The following USP40 variants were observed in gnomAD, a reference collection of about 807,000 sequenced individuals.
USP40 encodes ubiquitin carboxyl-terminal hydrolase 40.
A neutral mutation model predicts 166.2 loss-of-function variants in USP40; 143 were observed. The ratio of observed to expected loss-of-function variants is 0.86; its 90% CI spans 0.75 to 0.99. The LOEUF (loss-of-function observed/expected upper bound fraction) is 0.99, where lower values mean the gene tolerates loss of function less well. USP40 is among the 50% of genes least tolerant of loss of function. The probability of loss-of-function intolerance (pLI) is 0.00; values close to 1 mark genes in which losing one functional copy is unlikely to be tolerated. For synonymous variants in USP40, 498 were observed against 524.0 expected (o/e 0.95, Z 0.68); for missense variants, 1,444 against 1,479.7 (o/e 0.98, Z 0.40).
chr2:233,560,013 C>A, intron 3 of USP40, 89 bp from the exon 4 acceptor site: 1 of 780,192 alleles, frequency 1.3e-6, no homozygotes, highest in South Asian at 2.2e-5. Flanking sequence ...TTTTTTATAT[C>A]TCCCAGTTCA....
At chr2:233,490,936 T>C (rs1432067772) in intron 26 of USP40, 20 of 668,464 alleles carry the variant, frequency 3.0e-5, no homozygotes, top group African/African-American at 5.4e-5. Context: ...TGAGGATAGA[T>C]TGAAACAAAA....
chr2:233,553,179 T>C (rs2070741271), intron 6 of USP40, among the ~76,000 whole-genome samples: 2 of 152,242 alleles, frequency 1.3e-5, no homozygotes, highest in Non-Finnish European at 2.9e-5. Context: ...CATTTTTATA[T>C]TAATGTTAAT....
chr2:233,508,118 T>C (rs1276476963), intron 21 of USP40, among the ~76,000 whole-genome samples: 3 of 152,182 alleles, frequency 2.0e-5, no homozygotes, highest in Admixed American at 1.3e-4. Context: ...AAATGCCAGA[T>C]ATATAATTTC....
At chr2:233,491,429 G>C (rs964695134) in intron 25 of USP40, 168 bp from the exon 26 acceptor site, 2 of 622,162 alleles carry the variant, frequency 3.2e-6, no homozygotes, top group Admixed American at 2.8e-5. Flanking sequence ...AGCAGGCAGG[G>C]ACATGTTGTC....
Position 233,509,840 on chromosome 2 carries a change from A to T in USP40, c.2613+209T>A, listed in dbSNP as rs962614241. Among the ~76,000 whole-genome samples, 160 of 88,258 alleles carry T rather than the reference A, an allele frequency of 1.8e-3. 1 individual carries two copies. The highest frequency in any genetic ancestry group is 7.2e-3 in the African/African-American group (152 of 21,178). 57.9% of individuals were successfully genotyped at this position (88,258 alleles called of 152,430 possible). A position where few individuals can be genotyped will look rare whatever the true frequency, so the allele number is the denominator to read the frequency against. On this transcript the variant is annotated intron_variant, in intron 21 of 31. Coordinates refer to ENST00000678225, the MANE Select transcript of USP40 (RefSeq NM_001365479.2). ...TGGGTGACAGAGTTGAGACTCTCTAAAAAAAAAAAAAAAAAAAAAAAAATC... is the reference window on the plus strand; with the variant it reads ...TGGGTGACAGAGTTGAGACTCTCTATAAAAAAAAAAAAAAAAAAAAAAATC...
Position 233,533,524 on chromosome 2 carries a change from A to G in USP40, c.1426T>C (p.Tyr476His). 1.9e-6 allele frequency: 3 copies of G among 1,613,836 alleles called. No individual in the cohort carries two copies. Among genetic ancestry groups the G allele is most frequent in the South Asian group, 1.1e-5 (1 of 91,060 alleles). The change falls in exon 11 of 32, where the codon TAC becomes CAC. Residue 476 changes from tyrosine (Y) to histidine (H), a missense_variant. Physicochemically the swap from Tyr to His is moderately conservative, Grantham distance 83 (BLOSUM62 2). Transcript: ENST00000678225. ...EQQFQGKESA[Y>H]MLFYRKSQLQ... Reference sequence around the variant, plus strand: ...TGGGATTTCCGATAAAACAACATGTAGGCACTTTCTTTACCCTGAAATTGC... The same window carrying G: ...TGGGATTTCCGATAAAACAACATGTGGGCACTTTCTTTACCCTGAAATTGC...
chr2:233,517,970 T>A (rs1387029680), intron 18 of USP40, among the ~76,000 whole-genome samples: 1 of 148,206 alleles, frequency 6.7e-6, no homozygotes, highest in Non-Finnish European at 1.5e-5. Context: ...ACGTGGGAGC[T>A]AAGCTATGAG....
At chr2:233,504,457 T>C (rs1304516349) in intron 21 of USP40, among the ~76,000 whole-genome samples, 3 of 151,940 alleles carry the variant, frequency 2.0e-5, no homozygotes, top group Non-Finnish European at 4.4e-5. Flanking sequence ...AGATAGTCCA[T>C]GCAAATAGAA....
chr2:233,540,647 G>T lies in USP40; in HGVS notation c.1170+15C>A. On this transcript the variant is annotated intron_variant, in intron 10 of 31. Coordinates refer to ENST00000678225, the MANE Select transcript of USP40 (RefSeq NM_001365479.2). The stretch of plus-strand genomic sequence containing the variant: ...TCTTGGGACTAGGACTTCCCAAAAC[G>T]ATGCCATGTATTACCTTCCGCAGTG... The T allele has an allele frequency of 1.3e-6, 2 of 1,566,026 alleles. No individual in the cohort carries two copies. Among genetic ancestry groups the T allele is most frequent in the Non-Finnish European group, 1.8e-6 (2 of 1,142,138 alleles).
At chr2:233,516,687 CAA>C (rs763405308) in intron 18 of USP40, among the ~76,000 whole-genome samples, 31 of 109,020 alleles carry the variant, frequency 2.8e-4, no homozygotes, top group Middle Eastern at 5.1e-3. Context: ...GACTCCATCT[CAA>C]AAAAAAAAAA....
Position 233,485,521 on chromosome 2 carries a change from A to T in USP40, c.3504+10T>A. The T allele has an allele frequency of 6.2e-7, 1 of 1,609,138 alleles. No individual in the cohort carries two copies. Among genetic ancestry groups the T allele is most frequent in the Non-Finnish European group, 8.5e-7 (1 of 1,176,874 alleles). On this transcript the variant is annotated intron_variant, in intron 30 of 31. Transcript: ENST00000678225. Reference sequence around the variant, plus strand: ...TCTCAAAGTGGTAAATTTGCTGTTAAACAACTTACCTTAACACCAATAGTA... The same window carrying T: ...TCTCAAAGTGGTAAATTTGCTGTTATACAACTTACCTTAACACCAATAGTA...
At chr2:233,481,911 G>A (rs1003338520) in intron 30 of USP40, among the ~76,000 whole-genome samples, 3 of 152,206 alleles carry the variant, frequency 2.0e-5, no homozygotes, top group East Asian at 1.9e-4. Context: ...CCTCAGGGGC[G>A]CACCCAGGAA....
rs552186284 is a variant in USP40, at chr2:233,480,608, C to T, written c.3599+595G>A. Among the ~76,000 whole-genome samples, 3 of 152,224 alleles carry T rather than the reference C, an allele frequency of 2.0e-5. No individual in the cohort carries two copies. Among genetic ancestry groups the T allele is most frequent in the Non-Finnish European group, 4.4e-5 (3 of 68,046 alleles). Reference sequence around the variant, plus strand: ...TGGCAGTAAGTGCAGAGCCAGACAACGGCAGGCGGCGCCAGAGCTGGGAGG... The same window carrying T: ...TGGCAGTAAGTGCAGAGCCAGACAATGGCAGGCGGCGCCAGAGCTGGGAGG... On this transcript the variant is annotated intron_variant, in intron 31 of 31. Transcript: ENST00000678225. The surrounding 1 kb of genome is among the most constrained non-coding windows in gnomAD (Gnocchi z 4.5).
rs1408649845 is a variant in USP40 at position 233,486,523 on chromosome 2, C to T, written c.3198-546G>A. 2.6e-5 allele frequency among the ~76,000 whole-genome samples: 4 copies of T among 152,134 alleles called. No homozygotes were observed. Among genetic ancestry groups the T allele is most frequent in the African/African-American group, 9.7e-5 (4 of 41,422 alleles). On this transcript the variant is annotated intron_variant, in intron 28 of 31. Coordinates refer to ENST00000678225, the MANE Select transcript of USP40 (RefSeq NM_001365479.2). The surrounding 1 kb of genome is among the most constrained non-coding windows in gnomAD (Gnocchi z 4.0). ...TTAGCAGGAGGAGCAGAAAGAACAA[C>T]ACTCAGCAAGGCAGGAGGAACAGGG... is the stretch of plus-strand genomic sequence containing the variant.
In USP40 at chr2:233,523,275, T is replaced by G. The variant is rs2067785351; in HGVS notation, c.2096A>C (p.Glu699Ala). 6.2e-7 allele frequency: 1 copy of G among 1,613,898 alleles called. No individual in the cohort carries two copies. Among genetic ancestry groups the G allele is most frequent in the African/African-American group, 1.3e-5 (1 of 74,932 alleles). The part of the protein sequence containing the change: ...FINSAGCPGG[E>A]GWTAIPKEDM... ...TTCCTTGGGGATGGCCGTCCAACCC[T>G]CCCCACCTGGACATCCAGCACTGTT... is the stretch of plus-strand genomic sequence containing the variant. Residue 699 changes from glutamate (E) to alanine (A), a missense_variant, in exon 16 of 32, where the codon GAG becomes GCG. Coordinates refer to ENST00000678225, the MANE Select transcript of USP40 (RefSeq NM_001365479.2).
rs1255739555 is a variant in USP40 at position 233,511,817 on chromosome 2, TATG to T, written c.2438-23_2438-21del. On this transcript the variant is annotated intron_variant, in intron 19 of 31. Transcript: ENST00000678225. Reference sequence around the variant, plus strand: ...CCGGCACTTAAAAAAATTTTGATAATATGATGAAGGTTATTAATTCCTAGCTCT... The same window carrying T: ...CCGGCACTTAAAAAAATTTTGATAATATGAAGGTTATTAATTCCTAGCTCT... The T allele has an allele frequency of 6.4e-7, 1 of 1,572,356 alleles. No individual in the cohort carries two copies. The highest frequency in any genetic ancestry group is 8.7e-7 in the Non-Finnish European group (1 of 1,153,864).
intron 17 of USP40, 114 bp from the exon 18 acceptor site, chr2:233,519,785 T>G (rs149073906): frequency 4.6e-4 from 269 of 587,620 alleles, no homozygotes; most frequent in African/African-American, 4.5e-3. Flanking sequence ...ACCTGACATT[T>G]AGTAGTTTTT....
chr2:233,549,621 C>T (rs140871833), intron 7 of USP40, among the ~76,000 whole-genome samples: 1 of 134,132 alleles, frequency 7.5e-6, no homozygotes, highest in East Asian at 2.3e-4. Context: ...TTTATAGATG[C>T]ACTCTTCTTT....
intron 2 of USP40, among the ~76,000 whole-genome samples, 180 bp downstream of exon 2, chr2:233,565,176 G>T (rs982006740): frequency 1.3e-5 from 2 of 152,120 alleles, no homozygotes; most frequent in Non-Finnish European, 1.5e-5. Flanking sequence ...ATATATTTAA[G>T]ATTAAGCTTC....
Sources: allele counts gnomAD v4.1 joint callset (sites outside exome capture counted in the v4.1 genomes callset), GRCh38; gene constraint gnomAD v4.1.1; non-coding constraint Gnocchi (gnomAD v3.1); transcripts MANE v1.5; gene names NCBI Gene and HGNC (gene_info 2026-07-23, HGNC 2026-07-21).